AUTS2: variants seen among roughly 807,000 people sequenced by gnomAD.
The protein encoded by AUTS2 is activator of transcription and developmental regulator AUTS2.
Under a neutral mutation model 112.4 loss-of-function variants are expected in AUTS2, and 17 were observed. The ratio of observed to expected loss-of-function variants is 0.15; its 90% confidence interval spans 0.10 to 0.23. The LOEUF is 0.23. Among genes scored for constraint, AUTS2 ranks in the 10% least tolerant of loss-of-function variants. The pLI is 1.00. For synonymous variants in AUTS2, 751 were observed against 702.7 expected (o/e 1.07, Z -1.09); for missense variants, 1,510 against 1,701.6 (o/e 0.89, Z 1.98).
At chr7:69,992,046 A>T (rs1798761834) in intron 2 of AUTS2, among the ~76,000 whole-genome samples, 1 of 152,178 alleles carries the variant, frequency 6.6e-6, no homozygotes. Context: ...TGTTGAAGTC[A>T]TTTTATCCAA....
chr7:69,953,691 C>A (rs900783996), intron 2 of AUTS2, among the ~76,000 whole-genome samples: 1 of 152,144 alleles, frequency 6.6e-6, no homozygotes, highest in Admixed American at 6.5e-5. Flanking sequence ...GTACATAAGC[C>A]GTTAGAAATT....
chr7:70,697,858 A>G (rs1038227959), intron 5 of AUTS2, among the ~76,000 whole-genome samples: 1 of 152,164 alleles, frequency 6.6e-6, no homozygotes, highest in African/African-American at 2.4e-5. Flanking sequence ...TTTCCAGAAC[A>G]TTAGTGTATA....
intron 1 of AUTS2, among the ~76,000 whole-genome samples, chr7:69,795,006 A>G (rs537396251): frequency 1.3e-5 from 2 of 152,284 alleles, no homozygotes; most frequent in South Asian, 2.1e-4. Context: ...TTGAGTTCCA[A>G]TAGTGGCTCT....
chr7:70,448,195 G>A (rs562160131), intron 5 of AUTS2, among the ~76,000 whole-genome samples: 23 of 152,124 alleles, frequency 1.5e-4, no homozygotes, highest in East Asian at 3.9e-4. Flanking sequence ...CTCTCTAGCC[G>A]CCTCATCGCT....
chr7:70,688,428 C>T (rs1219059635), intron 5 of AUTS2, among the ~76,000 whole-genome samples: 2 of 152,174 alleles, frequency 1.3e-5, no homozygotes, highest in Non-Finnish European at 2.9e-5. Flanking sequence ...GTTATTTATA[C>T]TGCTGCTGTG....
intron 2 of AUTS2, among the ~76,000 whole-genome samples, chr7:69,928,640 A>G (rs910283878): frequency 7.2e-5 from 11 of 152,154 alleles, no homozygotes; most frequent in African/African-American, 2.7e-4. Context: ...ACTTTGCTCC[A>G]TGCTGCATTA....
At chr7:69,752,575 G>A (rs1180494167) in intron 1 of AUTS2, among the ~76,000 whole-genome samples, 1 of 152,134 alleles carries the variant, frequency 6.6e-6, no homozygotes, top group African/African-American at 2.4e-5. Context: ...AGAATCTTGT[G>A]TGCGACTTAT....
chr7:70,528,635 G>A (rs774409743), intron 5 of AUTS2, among the ~76,000 whole-genome samples: 2 of 86,586 alleles, frequency 2.3e-5, no homozygotes, highest in Non-Finnish European at 5.4e-5. Context: ...TCTAGTGCCG[G>A]GCACAGTGGC....
chr7:70,295,213 G>T (rs1197276334), intron 4 of AUTS2, among the ~76,000 whole-genome samples: 2 of 152,170 alleles, frequency 1.3e-5, no homozygotes, highest in African/African-American at 4.8e-5. Context: ...AATCACTGAC[G>T]TTGTGTGCTT....
chr7:70,284,047 ATTTTGTT>A (rs1788345615), intron 4 of AUTS2, among the ~76,000 whole-genome samples: 3 of 152,150 alleles, frequency 2.0e-5, no homozygotes, highest in Admixed American at 2.0e-4. Context: ...ATCATATTTT[ATTTTGTT>A]TTGTCATTAT....
At chr7:70,640,760 A>G (rs943454680) in intron 5 of AUTS2, among the ~76,000 whole-genome samples, 1 of 152,324 alleles carries the variant, frequency 6.6e-6, no homozygotes, top group African/African-American at 2.4e-5. Context: ...GGAGAAAGCC[A>G]TCATTAAACT....
intron 3 of AUTS2, among the ~76,000 whole-genome samples, chr7:70,121,938 C>T (rs1357322383): frequency 6.6e-6 from 1 of 152,128 alleles, no homozygotes; most frequent in Non-Finnish European, 1.5e-5. Flanking sequence ...CCATGTGTTT[C>T]TCAACAAATG....
intron 5 of AUTS2, among the ~76,000 whole-genome samples, chr7:70,493,829 A>G (rs1798345237): frequency 6.6e-6 from 1 of 152,204 alleles, no homozygotes. Context: ...ATATCTTACT[A>G]TAATATACTA....
At chr7:70,573,107 A>AT (rs1802018523) in intron 5 of AUTS2, among the ~76,000 whole-genome samples, 1 of 1,760 alleles carries the variant, frequency 5.7e-4, no homozygotes, top group Non-Finnish European at 1.2e-3. Context: ...TGGTTTATTC[A>AT]TGGAAAACAC....
intron 7 of AUTS2, among the ~76,000 whole-genome samples, chr7:70,764,137 G>T (rs1432399560): frequency 2.0e-5 from 3 of 152,160 alleles, no homozygotes; most frequent in African/African-American, 7.2e-5. Context: ...TGGTGGCTTT[G>T]GTGGTTCCGG....
chr7:70,545,034 A>G (rs1585281672), intron 5 of AUTS2, among the ~76,000 whole-genome samples: 1 of 152,316 alleles, frequency 6.6e-6, no homozygotes, highest in East Asian at 1.9e-4. Context: ...GACAGGCCTG[A>G]AATTTCCCTT....
At chr7:70,597,306 C>T (rs917483581) in intron 5 of AUTS2, among the ~76,000 whole-genome samples, 15 of 152,208 alleles carry the variant, frequency 9.9e-5, no homozygotes, top group African/African-American at 3.1e-4. Context: ...TTTAGAGATA[C>T]CAGAGCTCCC....
chr7:70,001,257 C>T (rs999262772), intron 2 of AUTS2, among the ~76,000 whole-genome samples: 1 of 152,072 alleles, frequency 6.6e-6, no homozygotes, highest in Admixed American at 6.6e-5. Flanking sequence ...TCTCGAGTAC[C>T]TGGGACTACA....
chr7:70,781,521 T>A (rs1791078997), intron 14 of AUTS2, 94 bp from the exon 15 acceptor site: 1 of 1,453,590 alleles, frequency 6.9e-7, no homozygotes, highest in South Asian at 1.3e-5. Context: ...TGAACCCAAG[T>A]GCACCGTTCA....
Sources: allele counts gnomAD v4.1 joint callset (sites outside exome capture counted in the v4.1 genomes callset), GRCh38; gene constraint gnomAD v4.1.1; transcripts MANE v1.5; gene names NCBI Gene and HGNC (gene_info 2026-07-23, HGNC 2026-07-21).